RHEX: variants seen among roughly 807,000 people sequenced by gnomAD.
RHEX encodes the protein regulator of hemoglobinization and erythroid cell expansion.
RHEX carries 18 observed loss-of-function variants against 20.1 expected under a neutral mutation model. The ratio of observed to expected loss-of-function variants is 0.90; its 90% CI spans 0.62 to 1.33. RHEX has a LOEUF of 1.33. Among genes scored for constraint, RHEX ranks in the 40% most tolerant of loss-of-function variants. The pLI is 0.00. For synonymous variants in RHEX, 87 were observed against 77.1 expected (o/e 1.13, Z -0.67); for missense variants, 192 against 214.3 (o/e 0.90, Z 0.65).
At chr1:206,095,835 A>AC in intron 1 of RHEX, among the ~76,000 whole-genome samples, 1 of 148,108 alleles carries the variant, frequency 6.8e-6, no homozygotes. Context: ...GATTTGGGGT[A>AC]ATTTTTTTTT....
chr1:206,066,013 C>A (rs1393116100), intron 1 of RHEX, among the ~76,000 whole-genome samples: 3 of 152,236 alleles, frequency 2.0e-5, no homozygotes, highest in African/African-American at 7.2e-5. Context: ...CCGGGAAGAT[C>A]GCTGGCTGGA....
intron 1 of RHEX, among the ~76,000 whole-genome samples, chr1:206,096,979 T>C (rs1663085180): frequency 6.6e-6 from 1 of 152,030 alleles, no homozygotes; most frequent in Non-Finnish European, 1.5e-5. Flanking sequence ...TTCGCCATAT[T>C]GCCCAGGCTG....
intron 1 of RHEX, 159 bp from the exon 2 acceptor site, chr1:206,097,574 G>A (rs1553287839): frequency 3.5e-6 from 2 of 564,772 alleles, no homozygotes; most frequent in African/African-American, 3.8e-5. Context: ...TTCTTTAGGA[G>A]AAGTGTCTAG....
chr1:206,062,264 T>A (rs1204552468), intron 1 of RHEX: 1 of 152,208 alleles, frequency 6.6e-6, no homozygotes, highest in Non-Finnish European at 1.5e-5. Context: ...TGGAGGTGGA[T>A]GGCTAGACAT....
intron 1 of RHEX, among the ~76,000 whole-genome samples, chr1:206,056,090 T>C (rs1396336991): frequency 2.6e-5 from 4 of 152,218 alleles, no homozygotes; most frequent in Non-Finnish European, 2.9e-5. Context: ...CGCATAACCA[T>C]TGAAGTTTGC....
intron 1 of RHEX, among the ~76,000 whole-genome samples, chr1:206,079,027 C>T (rs1553285528): frequency 6.6e-6 from 1 of 152,142 alleles, no homozygotes; most frequent in Non-Finnish European, 1.5e-5. Flanking sequence ...GCTACTTAAA[C>T]AATTCTGTGA....
intron 1 of RHEX, among the ~76,000 whole-genome samples, chr1:206,077,189 C>T (rs149814672): frequency 6.6e-6 from 1 of 152,058 alleles, no homozygotes; most frequent in Non-Finnish European, 1.5e-5. Flanking sequence ...GAACTCTGGC[C>T]TGCAACTGTG....
In RHEX at chr1:206,065,915, A is replaced by G. The variant is rs528385090; in HGVS notation, c.-97+12650A>G. On this transcript the variant is annotated intron_variant, in intron 1 of 5. Transcript: ENST00000331555. ...GTTTTTCAGTTTTTCAGTGGCCTGT[A>G]TCTGCTTTAGCCAGGACTGGGCTTG... Among the ~76,000 whole-genome samples the G allele has an allele frequency of 1.1e-4, 17 of 152,344 alleles. No individual in the cohort carries two copies. In the East Asian group the frequency reaches 2.3e-3, roughly 21 times the overall value.
chr1:206,074,922 C>A lies in RHEX; in HGVS notation c.-97+21657C>A, dbSNP rs574406879. 7.2e-5 allele frequency among the ~76,000 whole-genome samples: 11 copies of A among 152,332 alleles called. 1 individual carries two copies. The East Asian group carries it at 1.3e-3, about 19-fold the overall frequency. On this transcript the variant is annotated intron_variant, in intron 1 of 5. Transcript: ENST00000331555. ...CCCAGGTTCCCTTCACCCAGGCACA[C>A]CCACAAAGGGTAATAACAGGGCCAG...
In RHEX at chr1:206,097,966, AC is replaced by A. The variant is rs1176497113; in HGVS notation, c.12-112del. 1.0e-5 allele frequency: 12 copies of A among 1,158,334 alleles called. No homozygotes were observed. The African/African-American group carries it at 1.2e-4, about 12-fold the overall frequency. 71.8% of individuals were successfully genotyped at this position (1,158,334 alleles called of 1,614,324 possible). On this transcript the variant is annotated intron_variant, in intron 2 of 5. Transcript: ENST00000331555. ...ATTGTCCAGAGAGGCAAAGGGACCT[AC>A]CCTGGGACACGCAGCAATGCCAGAT...
At chr1:206,101,338 G>C in intron 5 of RHEX, 141 bp downstream of exon 5, 1 of 678,662 alleles carries the variant, frequency 1.5e-6, no homozygotes, top group Non-Finnish European at 2.5e-6. Context: ...GCATCCTCAG[G>C]TGAGGGGGGG....
chr1:206,097,667 G>A, intron 1 of RHEX, 66 bp from the exon 2 acceptor site: 1 of 964,300 alleles, frequency 1.0e-6, no homozygotes, highest in Admixed American at 2.1e-5. Context: ...TCAAGTAGCT[G>A]AGTTTGCCCA....
At chr1:206,084,635 C>T (rs1373234422) in intron 1 of RHEX, among the ~76,000 whole-genome samples, 6 of 152,182 alleles carry the variant, frequency 3.9e-5, no homozygotes, top group Non-Finnish European at 7.3e-5. Flanking sequence ...TTGGCTGATC[C>T]TGCTTCTCGT....
At chr1:206,086,939 C>T (rs1369134586) in intron 1 of RHEX, among the ~76,000 whole-genome samples, 4 of 152,046 alleles carry the variant, frequency 2.6e-5, no homozygotes, top group African/African-American at 4.8e-5. Context: ...CCCAGGAGGT[C>T]GAGGCTGCAG....
chr1:206,064,642 C>A (rs1486266956), intron 1 of RHEX, among the ~76,000 whole-genome samples: 3 of 83,494 alleles, frequency 3.6e-5, no homozygotes, highest in Non-Finnish European at 5.1e-5. Flanking sequence ...CGCCCCGTCC[C>A]GGGGGGAGGT....
chr1:206,091,874 A>T (rs1178108448), intron 1 of RHEX, among the ~76,000 whole-genome samples: 2 of 152,294 alleles, frequency 1.3e-5, no homozygotes, highest in East Asian at 3.9e-4. Context: ...CATAAATGAG[A>T]TGAACCCAAG....
At chr1:206,056,773 A>C (rs909231332) in intron 1 of RHEX, among the ~76,000 whole-genome samples, 9 of 151,812 alleles carry the variant, frequency 5.9e-5, no homozygotes, top group Non-Finnish European at 2.9e-5. Flanking sequence ...AGCATGGATG[A>C]GGATGTGGTT....
intron 5 of RHEX, among the ~76,000 whole-genome samples, chr1:206,101,540 G>A (rs546533981): frequency 1.6e-4 from 24 of 152,110 alleles, no homozygotes; most frequent in South Asian, 4.1e-4. Flanking sequence ...CCACCTGCTC[G>A]TCTGTAATCC....
At chr1:206,090,407 A>G (rs1571869753) in intron 1 of RHEX, among the ~76,000 whole-genome samples, 1 of 151,928 alleles carries the variant, frequency 6.6e-6, no homozygotes, top group African/African-American at 2.4e-5. Context: ...AGGTTTCACC[A>G]TCTTGGCCAG....
Sources: gnomAD v4.1 joint callset for allele counts (sites outside exome capture counted in the v4.1 genomes callset) on GRCh38, gnomAD v4.1.1 for gene constraint, MANE v1.5 for transcripts, NCBI Gene and HGNC (gene_info 2026-07-23, HGNC 2026-07-21) for gene names.